Variants in MAGI2 observed in about 807,000 individuals in gnomAD.
MAGI2 encodes membrane-associated guanylate kinase, WW and PDZ domain-containing protein 2.
In MAGI2, 35 loss-of-function variants were observed where a neutral mutation model predicts 133.3. The ratio of observed to expected loss-of-function variants is 0.26; its 90% CI spans 0.20 to 0.35. MAGI2 has a LOEUF of 0.35. MAGI2 is among the 10% of genes least tolerant of loss of function. The pLI is 1.00. For missense variants in MAGI2, 1,636 were observed against 1,863.4 expected (o/e 0.88, Z 2.25); for synonymous variants, 729 against 710.6 (o/e 1.03, Z -0.41).
At chr7:78,581,718 G>C (rs1563200598) in intron 3 of MAGI2, among the ~76,000 whole-genome samples, 1 of 152,190 alleles carries the variant, frequency 6.6e-6, no homozygotes, top group African/African-American at 2.4e-5. Context: ...ATTTGGTTAA[G>C]TTTTGGATGA....
chr7:79,141,238 C>T (rs1409062841), intron 1 of MAGI2, among the ~76,000 whole-genome samples: 1 of 152,134 alleles, frequency 6.6e-6, no homozygotes, highest in African/African-American at 2.4e-5. Flanking sequence ...TCATCAGGTG[C>T]AACATTTACC....
intron 2 of MAGI2, among the ~76,000 whole-genome samples, chr7:78,887,339 T>A (rs1001483741): frequency 2.6e-5 from 4 of 152,192 alleles, no homozygotes; most frequent in Non-Finnish European, 5.9e-5. Flanking sequence ...CTTCAAAATG[T>A]GGTAGTTTCA....
intron 2 of MAGI2, among the ~76,000 whole-genome samples, chr7:78,807,025 A>G (rs189913230): frequency 2.0e-5 from 3 of 152,190 alleles, no homozygotes; most frequent in Admixed American, 1.3e-4. Context: ...CTATGGAGAA[A>G]TAAAATGTCA....
intron 2 of MAGI2, among the ~76,000 whole-genome samples, chr7:78,806,616 A>G (rs1438696548): frequency 6.6e-6 from 1 of 152,098 alleles, no homozygotes; most frequent in Non-Finnish European, 1.5e-5. Flanking sequence ...TTGTAATCCC[A>G]GCACTTTGGG....
Position 78,256,179 on chromosome 7 carries a change from A to T in MAGI2, c.1811T>A (p.Met604Lys). Residue 604 changes from methionine (M) to lysine (K), a missense_variant, in exon 10 of 22, where the codon ATG becomes AAG. Coordinates refer to ENST00000354212, the MANE Select transcript of MAGI2 (RefSeq NM_012301.4). ...ASSGATQAELMTLTIVKGAQG... is the reference protein window; with the variant it reads ...ASSGATQAELKTLTIVKGAQG... ...GGCACCTTTCACAATGGTTAAGGTC[A>T]TAAGTTCAGCTTGGGTGGCCCCAGA... 6.2e-7 allele frequency: 1 copy of T among 1,614,024 alleles called. No individual in the cohort carries two copies. The highest frequency in any genetic ancestry group is 8.5e-7 in the Non-Finnish European group (1 of 1,179,992).
chr7:79,355,353 A>G (rs968825022), intron 1 of MAGI2, among the ~76,000 whole-genome samples: 37 of 110,104 alleles, frequency 3.4e-4, no homozygotes, highest in African/African-American at 1.2e-3. Context: ...ACAAAAAAAC[A>G]AACAAAAACA....
chr7:79,251,010 G>T (rs1028561281), intron 1 of MAGI2, among the ~76,000 whole-genome samples: 1 of 152,188 alleles, frequency 6.6e-6, no homozygotes, highest in Non-Finnish European at 1.5e-5. Flanking sequence ...TTCAATAAAT[G>T]CTGCTGGGAA....
chr7:78,511,706 T>C (rs1795597076), intron 4 of MAGI2, among the ~76,000 whole-genome samples: 1 of 151,140 alleles, frequency 6.6e-6, no homozygotes. Flanking sequence ...TCAGAGATTT[T>C]TCTATGCAAA....
At chr7:78,816,598 G>T (rs923998985) in intron 2 of MAGI2, among the ~76,000 whole-genome samples, 2 of 152,054 alleles carry the variant, frequency 1.3e-5, no homozygotes, top group Non-Finnish European at 2.9e-5. Context: ...GAAAATCCTA[G>T]GACCCTTAAA....
At chr7:79,364,465 A>G (rs1030517144) in intron 1 of MAGI2, among the ~76,000 whole-genome samples, 6 of 152,086 alleles carry the variant, frequency 3.9e-5, no homozygotes, top group African/African-American at 1.4e-4. Flanking sequence ...TACATATATA[A>G]CGACTTTATT....
rs1361163320 is a variant in MAGI2 at position 78,654,745 on chromosome 7, A to C, written c.419-27506T>G. ...TATATATATATATATATATATATATATATAGCATATATTTTGCATCGCAAC... is the reference window on the plus strand; with the variant it reads ...TATATATATATATATATATATATATCTATAGCATATATTTTGCATCGCAAC... On this transcript the variant is annotated intron_variant, in intron 2 of 21. Transcript: ENST00000354212. Among the ~76,000 whole-genome samples the C allele has an allele frequency of 1.3e-4, 10 of 75,858 alleles. 1 individual carries two copies. Among genetic ancestry groups the C allele is most frequent in the East Asian group, 7.5e-4 (2 of 2,658 alleles). The allele number at this position is 75,858 out of a possible 152,430, so 49.8% of individuals were successfully genotyped here.
chr7:78,644,675 G>A lies in MAGI2; in HGVS notation c.419-17436C>T, dbSNP rs185695902. 1.5e-3 allele frequency among the ~76,000 whole-genome samples: 232 copies of A among 152,178 alleles called. 2 individuals are homozygous for A. Among genetic ancestry groups the A allele is most frequent in the South Asian group, 0.015 (72 of 4,828 alleles). ...AGAATTCAAGAGAAATGTTTAACTCGAAATACTTATATTAGAAACGCAGAA... is the reference window on the plus strand; with the variant it reads ...AGAATTCAAGAGAAATGTTTAACTCAAAATACTTATATTAGAAACGCAGAA... On this transcript the variant is annotated intron_variant, in intron 2 of 21. Transcript: ENST00000354212.
At chr7:78,930,188 G>T (rs1471793301) in intron 2 of MAGI2, among the ~76,000 whole-genome samples, 3 of 152,062 alleles carry the variant, frequency 2.0e-5, no homozygotes, top group African/African-American at 7.2e-5. Context: ...ATGCAAGAAA[G>T]CAGAAGCAAA....
intron 2 of MAGI2, among the ~76,000 whole-genome samples, chr7:78,728,486 C>T (rs990524946): frequency 1.3e-5 from 2 of 149,838 alleles, no homozygotes; most frequent in South Asian, 4.3e-4. Flanking sequence ...TGACCTAGTA[C>T]CATCAAAGTT....
At chr7:78,315,491 C>T (rs1787318502) in intron 9 of MAGI2, among the ~76,000 whole-genome samples, 1 of 152,114 alleles carries the variant, frequency 6.6e-6, no homozygotes, top group South Asian at 2.1e-4. Context: ...GTTTTAAACA[C>T]GGATCAGGGG....
At chr7:78,258,424 T>A (rs753313214) in intron 9 of MAGI2, among the ~76,000 whole-genome samples, 1 of 152,182 alleles carries the variant, frequency 6.6e-6, no homozygotes, top group Non-Finnish European at 1.5e-5. Flanking sequence ...CAACAAATAC[T>A]TGTATACTAA....
intron 2 of MAGI2, among the ~76,000 whole-genome samples, chr7:78,795,296 T>C (rs939741500): frequency 1.3e-5 from 2 of 151,824 alleles, no homozygotes; most frequent in Non-Finnish European, 2.9e-5. Context: ...TATATTCAGA[T>C]CTTATGCAAA....
intron 2 of MAGI2, among the ~76,000 whole-genome samples, chr7:78,831,116 TATCTC>T (rs1301555870): frequency 1.3e-5 from 2 of 152,176 alleles, no homozygotes; most frequent in Non-Finnish European, 2.9e-5. Flanking sequence ...GTTTGGAAGA[TATCTC>T]ATCAATACAA....
At chr7:79,043,486 T>C (rs965179237) in intron 1 of MAGI2, among the ~76,000 whole-genome samples, 7 of 128,206 alleles carry the variant, frequency 5.5e-5, no homozygotes, top group Non-Finnish European at 1.1e-4. Flanking sequence ...GAGGTTGCAG[T>C]GAGCCAAGAT....
Sources: allele counts gnomAD v4.1 joint callset (sites outside exome capture counted in the v4.1 genomes callset), GRCh38; gene constraint gnomAD v4.1.1; transcripts MANE v1.5; gene names NCBI Gene and HGNC (gene_info 2026-07-23, HGNC 2026-07-21).